Variants in FAM184B observed in about 807,000 individuals in gnomAD.
The protein encoded by FAM184B is family with sequence similarity 184 member B.
FAM184B carries 111 observed loss-of-function variants against 135.9 expected under a neutral mutation model. That is an observed-to-expected ratio of 0.82 (90% CI 0.70 to 0.96). The LOEUF (loss-of-function observed/expected upper bound fraction) is 0.96. Among genes scored for constraint, FAM184B ranks in the 40% least tolerant of loss-of-function variants. The probability of loss-of-function intolerance (pLI) is 0.00; values close to 1 mark genes in which losing one functional copy is unlikely to be tolerated. For missense variants in FAM184B, 1,375 were observed against 1,323.9 expected (o/e 1.04, Z -0.60); for synonymous variants, 552 against 524.8 (o/e 1.05, Z -0.71).
chr4:17,780,894 C>T (rs549798781), intron 1 of FAM184B, among the ~76,000 whole-genome samples: 2 of 152,132 alleles, frequency 1.3e-5, no homozygotes, highest in Non-Finnish European at 2.9e-5. Context: ...ATTCACATTC[C>T]CACCTTGGAA....
chr4:17,747,489 G>A (rs1358737563), intron 1 of FAM184B, among the ~76,000 whole-genome samples: 3 of 152,152 alleles, frequency 2.0e-5, no homozygotes, highest in South Asian at 4.1e-4. Context: ...AAAATACAAA[G>A]TAAACAAAAA....
intron 15 of FAM184B, 71 bp from the exon 16 acceptor site, chr4:17,635,184 G>A: frequency 8.4e-7 from 1 of 1,195,746 alleles, no homozygotes; most frequent in Non-Finnish European, 1.2e-6. Context: ...GAAGGAAGAT[G>A]GCTGTGAGGG....
chr4:17,745,779 A>G (rs1718145444), intron 1 of FAM184B, among the ~76,000 whole-genome samples: 2 of 152,146 alleles, frequency 1.3e-5, no homozygotes, highest in African/African-American at 2.4e-5. Flanking sequence ...TGTAGCATCA[A>G]TGTCACTCGA....
chr4:17,722,527 G>C (rs1717553341), intron 1 of FAM184B, among the ~76,000 whole-genome samples: 3 of 152,194 alleles, frequency 2.0e-5, no homozygotes, highest in African/African-American at 7.2e-5. Flanking sequence ...GCTGCACATG[G>C]CATTGAACTG....
chr4:17,690,095 C>T (rs548377544), intron 6 of FAM184B, among the ~76,000 whole-genome samples: 2 of 152,122 alleles, frequency 1.3e-5, no homozygotes, highest in African/African-American at 4.8e-5. Flanking sequence ...TTACAGTGAA[C>T]CAAGATTGCA....
At chr4:17,750,414 A>G (rs1718267367) in intron 1 of FAM184B, among the ~76,000 whole-genome samples, 2 of 152,252 alleles carry the variant, frequency 1.3e-5, no homozygotes, top group South Asian at 4.1e-4. Flanking sequence ...CATTTTACAA[A>G]CATTCATAAA....
chr4:17,781,266 G>A lies in FAM184B; in HGVS notation c.34C>T (p.Pro12Ser), dbSNP rs1469813460. The A allele has an allele frequency of 6.5e-7, 1 of 1,550,366 alleles. No individual in the cohort carries two copies. The highest frequency in any genetic ancestry group is 2.0e-5 in the Admixed American group (1 of 50,818). Residue 12 changes from proline to serine, a missense_variant, in exon 1 of 18, where the codon CCC (proline) becomes TCC (serine). Physicochemically the swap from Pro to Ser is moderately conservative, Grantham distance 74. Coordinates refer to ENST00000265018, the MANE Select transcript of FAM184B (RefSeq NM_015688.2). The surrounding 1 kb of genome is among the most constrained non-coding windows in gnomAD (Gnocchi z 6.5). ...ASALNSKINP[P>S]GTCQGSKADG... ...GCTTTGGAGCCCTGGCAAGTGCCGG[G>A]CGGGTTAATTTTGCTGTTGAGAGCA...
intron 13 of FAM184B, among the ~76,000 whole-genome samples, chr4:17,639,950 T>G (rs1259509909): frequency 6.6e-6 from 1 of 151,474 alleles, no homozygotes; most frequent in Non-Finnish European, 1.5e-5. Context: ...TGCCTCAGCC[T>G]CCCAAGTGGC....
intron 1 of FAM184B, among the ~76,000 whole-genome samples, chr4:17,759,027 C>T (rs1301366300): frequency 6.6e-6 from 1 of 152,170 alleles, no homozygotes; most frequent in Non-Finnish European, 1.5e-5. Flanking sequence ...CTCAGAGAGA[C>T]AGTTTACGTC....
chr4:17,708,663 C>CTATA (rs60087211), intron 2 of FAM184B, among the ~76,000 whole-genome samples: 755 of 16,832 alleles, frequency 0.045, 56 homozygotes, highest in Middle Eastern at 0.05. Context: ...GGAAACAAAA[C>CTATA]TATATATATA....
intron 7 of FAM184B, among the ~76,000 whole-genome samples, chr4:17,680,080 C>T (rs1716401226): frequency 6.6e-6 from 1 of 152,166 alleles, no homozygotes; most frequent in Non-Finnish European, 1.5e-5. Context: ...ACAGTGTACA[C>T]TGCACAGGTG....
chr4:17,664,532 G>A, intron 8 of FAM184B, 30 bp downstream of exon 8: 2 of 1,469,858 alleles, frequency 1.4e-6, no homozygotes, highest in Non-Finnish European at 1.9e-6. Flanking sequence ...ATTCAATGGA[G>A]CACTCAGAAG....
At chr4:17,670,096 G>A (rs905353549) in intron 7 of FAM184B, among the ~76,000 whole-genome samples, 3 of 152,160 alleles carry the variant, frequency 2.0e-5, no homozygotes, top group Non-Finnish European at 4.4e-5. Context: ...CAATAAGAAG[G>A]TAGGTTTAAA....
chr4:17,762,327 C>T (rs894377598), intron 1 of FAM184B, among the ~76,000 whole-genome samples: 2 of 152,100 alleles, frequency 1.3e-5, no homozygotes, highest in African/African-American at 4.8e-5. Context: ...AACAAACTAC[C>T]CCTTAAATTC....
At chr4:17,715,536 T>A (rs1717386251) in intron 1 of FAM184B, among the ~76,000 whole-genome samples, 1 of 151,916 alleles carries the variant, frequency 6.6e-6, no homozygotes, top group Non-Finnish European at 1.5e-5. Context: ...AGACACAAAA[T>A]TTCAATTAAA....
intron 1 of FAM184B, among the ~76,000 whole-genome samples, chr4:17,728,712 G>T (rs1269885822): frequency 6.6e-6 from 1 of 152,138 alleles, no homozygotes; most frequent in Non-Finnish European, 1.5e-5. Flanking sequence ...CATGTTAGTA[G>T]TAACCTCCGG....
chr4:17,763,110 C>T (rs968797750), intron 1 of FAM184B, among the ~76,000 whole-genome samples: 2 of 152,150 alleles, frequency 1.3e-5, no homozygotes, highest in Admixed American at 6.5e-5. Context: ...AGTGCTAGTT[C>T]TTTCTTTGCC....
At chr4:17,728,370 G>C (rs1230222048) in intron 1 of FAM184B, among the ~76,000 whole-genome samples, 1 of 152,130 alleles carries the variant, frequency 6.6e-6, no homozygotes, top group Non-Finnish European at 1.5e-5. Context: ...CCAGGTGACA[G>C]AGCGAGACCC....
Position 17,712,402 on chromosome 4 carries a change from G to GTCAGATGCCAA in FAM184B, c.142-2769_142-2759dup, listed in dbSNP as rs1482007434. Among the ~76,000 whole-genome samples, 4 of 152,206 alleles carry GTCAGATGCCAA rather than the reference G, an allele frequency of 2.6e-5. No individual in the cohort carries two copies. The East Asian group carries it at 7.7e-4, about 29-fold the overall frequency. ...GCTGGGCTGGTGTAGACGCCGTGGA[G>GTCAGATGCCAA]TCAGATGCCAAACACGACACTGGCT... On this transcript the variant is annotated intron_variant, in intron 1 of 17. Coordinates refer to ENST00000265018, the MANE Select transcript of FAM184B (RefSeq NM_015688.2).
Sources: gnomAD v4.1 joint callset for allele counts (sites outside exome capture counted in the v4.1 genomes callset) on GRCh38, gnomAD v4.1.1 for gene constraint, Gnocchi (gnomAD v3.1) non-coding constraint, MANE v1.5 for transcripts, NCBI Gene and HGNC (gene_info 2026-07-23, HGNC 2026-07-21) for gene names.